The following LYSMD2 variants were observed in gnomAD, a reference collection of about 807,000 sequenced individuals.
LYSMD2 encodes LysM domain containing 2.
LYSMD2 carries 6 observed loss-of-function variants against 17.7 expected under a neutral mutation model. That is an observed-to-expected ratio of 0.34 (90% CI 0.19 to 0.67). The LOEUF (loss-of-function observed/expected upper bound fraction) is 0.67, where lower values mean the gene tolerates loss of function less well. LYSMD2 is among the 30% of genes least tolerant of loss of function. The probability of loss-of-function intolerance (pLI) is 0.69; values close to 1 mark genes in which losing one functional copy is unlikely to be tolerated. For missense variants in LYSMD2, 237 were observed against 286.7 expected, an observed-to-expected ratio of 0.83 and a Z score of 1.25; for synonymous variants, 102 against 129.8, an observed-to-expected ratio of 0.79 and a Z score of 1.45.
intron 1 of LYSMD2, 79 bp from the exon 2 acceptor site, chr15:51,725,200 C>A: frequency 1.1e-6 from 1 of 882,428 alleles, no homozygotes; most frequent in Non-Finnish European, 1.7e-6. Context: ...ACAGAACTAC[C>A]AATATTCATA....
rs916793095 is a variant in LYSMD2 at position 51,723,456 on chromosome 15, C to T, written c.*151G>A. On this transcript the variant is annotated 3_prime_UTR_variant, in exon 3 of 3. Coordinates refer to ENST00000267838, the MANE Select transcript of LYSMD2 (RefSeq NM_153374.3). Reference sequence around the variant, plus strand: ...GAAAGCCAGAGGGAACTAATCACTTCAGTGCAACTGCAGCAGGTAGAACTA... The same window carrying T: ...GAAAGCCAGAGGGAACTAATCACTTTAGTGCAACTGCAGCAGGTAGAACTA... The T allele has an allele frequency of 4.2e-5, 28 of 664,864 alleles. No individual in the cohort carries two copies. The African/African-American group carries it at 4.8e-4, about 11-fold the overall frequency. The allele number at this position is 664,864 out of a possible 1,614,324, so 41.2% of individuals were successfully genotyped here. A position where few individuals can be genotyped will look rare whatever the true frequency, so the allele number is the denominator to read the frequency against.
chr15:51,746,937 C>T (rs1006521157), intron 1 of LYSMD2, among the ~76,000 whole-genome samples: 29 of 148,576 alleles, frequency 2.0e-4, no homozygotes, highest in African/African-American at 6.0e-4. Flanking sequence ...CCCAACACTT[C>T]GAGAAGCCAA....
chr15:51,724,219 GGAGA>G (rs1019782243), intron 2 of LYSMD2, among the ~76,000 whole-genome samples: 7 of 152,016 alleles, frequency 4.6e-5, no homozygotes, highest in African/African-American at 1.7e-4. Context: ...CAATTCTATA[GGAGA>G]GAGAAAGATT....
chr15:51,741,098 G>C (rs549468838), upstream of LYSMD2, among the ~76,000 whole-genome samples: 1 of 152,330 alleles, frequency 6.6e-6, no homozygotes, highest in African/African-American at 2.4e-5. Flanking sequence ...TCCTGAGGAA[G>C]AATTAGGAAG....
upstream of LYSMD2, among the ~76,000 whole-genome samples, chr15:51,738,370 C>T (rs530819377): frequency 2.0e-5 from 3 of 152,222 alleles, no homozygotes; most frequent in East Asian, 3.9e-4. Context: ...CTGGCTGCCT[C>T]GAAAGGCTGG....
chr15:51,749,466 C>A (rs1312164904), intron 1 of LYSMD2, among the ~76,000 whole-genome samples: 2 of 152,160 alleles, frequency 1.3e-5, no homozygotes, highest in African/African-American at 4.8e-5. Flanking sequence ...CTTCGACTGC[C>A]GAACATGACT....
At chr15:51,738,732 G>A (rs1260375581), upstream of LYSMD2, among the ~76,000 whole-genome samples, 1 of 152,146 alleles carries the variant, frequency 6.6e-6, no homozygotes, top group Non-Finnish European at 1.5e-5. Flanking sequence ...TTGCTGTGCT[G>A]GACAGAGGCA....
At chr15:51,747,348 A>T (rs1264064138) in intron 1 of LYSMD2, among the ~76,000 whole-genome samples, 3 of 145,980 alleles carry the variant, frequency 2.1e-5, no homozygotes, top group Non-Finnish European at 4.5e-5. Context: ...AAAATTAGCC[A>T]GGCGTGGTGG....
chr15:51,723,470 C>G lies in LYSMD2; in HGVS notation c.*137G>C. ...ACTAATCACTTCAGTGCAACTGCAGCAGGTAGAACTACCTAGTTATGATTT... is the reference window on the plus strand; with the variant it reads ...ACTAATCACTTCAGTGCAACTGCAGGAGGTAGAACTACCTAGTTATGATTT... On this transcript the variant is annotated 3_prime_UTR_variant, in exon 3 of 3. Coordinates refer to ENST00000267838, the MANE Select transcript of LYSMD2 (RefSeq NM_153374.3). The G allele has an allele frequency of 1.4e-6, 1 of 710,950 alleles. No homozygotes were observed. The highest frequency in any genetic ancestry group is 2.5e-6 in the Non-Finnish European group (1 of 397,090). 44.0% of individuals were successfully genotyped at this position (710,950 alleles called of 1,614,324 possible). A position where few individuals can be genotyped will look rare whatever the true frequency, so the allele number is the denominator to read the frequency against.
At chr15:51,747,319 C>G (rs1311394391) in intron 1 of LYSMD2, among the ~76,000 whole-genome samples, 1 of 151,368 alleles carries the variant, frequency 6.6e-6, no homozygotes, top group East Asian at 2.0e-4. Flanking sequence ...TGGAGAAACC[C>G]CATCTCTACT....
At chr15:51,746,530 T>C (rs937705169) in intron 1 of LYSMD2, among the ~76,000 whole-genome samples, 3 of 152,188 alleles carry the variant, frequency 2.0e-5, no homozygotes, top group African/African-American at 7.2e-5. Flanking sequence ...TTATAATAGA[T>C]TGGGAGATAG....
upstream of LYSMD2, among the ~76,000 whole-genome samples, chr15:51,740,723 C>T (rs2055638603): frequency 6.6e-6 from 1 of 151,950 alleles, no homozygotes; most frequent in African/African-American, 2.4e-5. Context: ...TGACATTCCA[C>T]ATACCACCAA....
intron 1 of LYSMD2, among the ~76,000 whole-genome samples, chr15:51,743,777 T>A (rs1338933958): frequency 2.6e-5 from 4 of 152,208 alleles, no homozygotes; most frequent in Non-Finnish European, 5.9e-5. Context: ...TTTATTCATA[T>A]CTTCTTTTAT....
At chr15:51,739,263 A>G (rs984648275), upstream of LYSMD2, among the ~76,000 whole-genome samples, 1 of 152,178 alleles carries the variant, frequency 6.6e-6, no homozygotes. Flanking sequence ...ATCTCCTCCA[A>G]CAAATACGTG....
chr15:51,727,919 T>G lies in LYSMD2; in HGVS notation c.274-2798A>C, dbSNP rs532884687. Among the ~76,000 whole-genome samples the G allele has an allele frequency of 9.1e-4, 139 of 152,248 alleles. 6 individuals carry two copies. The South Asian group carries it at 0.028, about 31-fold the overall frequency. On this transcript the variant is annotated intron_variant, in intron 1 of 2. Coordinates refer to ENST00000267838, the MANE Select transcript of LYSMD2 (RefSeq NM_153374.3). ...TATTCAGACACAGTTAGCAACAAGGTGGGAACCAATCTAAGGACAGGGGCA... is the reference window on the plus strand; with the variant it reads ...TATTCAGACACAGTTAGCAACAAGGGGGGAACCAATCTAAGGACAGGGGCA...
At position 51,737,109 on chromosome 15, in the gene LYSMD2, G is replaced by A. The variant is rs181575200; in HGVS notation, c.273+241C>T. Among the ~76,000 whole-genome samples the A allele has an allele frequency of 4.3e-4, 65 of 152,314 alleles. 2 individuals are homozygous for A. Among genetic ancestry groups the A allele is most frequent in the Admixed American group, 3.3e-3 (50 of 15,312 alleles). On this transcript the variant is annotated intron_variant, in intron 1 of 2. Coordinates refer to ENST00000267838, the MANE Select transcript of LYSMD2 (RefSeq NM_153374.3). The surrounding 1 kb of genome is among the most constrained non-coding windows in gnomAD (Gnocchi z 4.2). The stretch of plus-strand genomic sequence containing the variant: ...AACTCGATGCAGCTACCTAGGGAGG[G>A]AGCCCTGGCGGTCCGCCCCTCCCGC...
chr15:51,725,277 A>T (rs2055531490), intron 1 of LYSMD2, among the ~76,000 whole-genome samples, 156 bp from the exon 2 acceptor site: 1 of 152,232 alleles, frequency 6.6e-6, no homozygotes, highest in Non-Finnish European at 1.5e-5. Context: ...ACCTCCCCAG[A>T]TATCTCTAGT....
At chr15:51,729,291 G>C (rs1024548767) in intron 1 of LYSMD2, among the ~76,000 whole-genome samples, 1 of 152,256 alleles carries the variant, frequency 6.6e-6, no homozygotes, top group South Asian at 2.1e-4. Flanking sequence ...CCACTGGAGA[G>C]TGAAGGCAGG....
Position 51,737,266 on chromosome 15 carries a change from A to AGG in LYSMD2, c.273+83_273+84insCC. ...CCCCCAAACCCCCACCCGCAGTCCC[A>AGG]CCCCCACCCCCACCGCACCCCGAGC... On this transcript the variant is annotated intron_variant, in intron 1 of 2. Coordinates refer to ENST00000267838, the MANE Select transcript of LYSMD2 (RefSeq NM_153374.3). This position sits in a 1 kb window ranked among gnomAD's most constrained non-coding sequence, Gnocchi z 4.2. 1 of 73,394 alleles carries AGG rather than the reference A, an allele frequency of 1.4e-5. No homozygotes were observed. Among genetic ancestry groups the AGG allele is most frequent in the Non-Finnish European group, 2.0e-5 (1 of 48,882 alleles). 4.5% of individuals were successfully genotyped at this position (73,394 alleles called of 1,614,324 possible). A position where few individuals can be genotyped will look rare whatever the true frequency, so the allele number is the denominator to read the frequency against.
Sources: allele counts gnomAD v4.1 joint callset (sites outside exome capture counted in the v4.1 genomes callset), GRCh38; gene constraint gnomAD v4.1.1; non-coding constraint Gnocchi (gnomAD v3.1); transcripts MANE v1.5; gene names NCBI Gene and HGNC (gene_info 2026-07-23, HGNC 2026-07-21).